The following FBXO38 variants were observed in gnomAD, a reference collection of about 807,000 sequenced individuals.
FBXO38 encodes F-box protein 38.
FBXO38 carries 53 observed loss-of-function variants against 131.9 expected under a neutral mutation model. The ratio of observed to expected loss-of-function variants is 0.40; its 90% CI spans 0.32 to 0.51. The LOEUF (loss-of-function observed/expected upper bound fraction) is 0.51, where lower values mean the gene tolerates loss of function less well. Among genes scored for constraint, FBXO38 ranks in the 20% least tolerant of loss-of-function variants. The pLI is 0.53. For missense variants in FBXO38, 1,076 were observed against 1,475.6 expected, an observed-to-expected ratio of 0.73 and a Z score of 4.44; for synonymous variants, 452 against 505.6, an observed-to-expected ratio of 0.89 and a Z score of 1.42.
At chr5:148,411,977 T>C (rs1752786643) in intron 9 of FBXO38, among the ~76,000 whole-genome samples, 1 of 152,132 alleles carries the variant, frequency 6.6e-6, no homozygotes, top group Admixed American at 6.5e-5. Flanking sequence ...ACTTGACAAA[T>C]TGTGTACCTT....
intron 5 of FBXO38, among the ~76,000 whole-genome samples, chr5:148,403,643 C>T (rs1303782261): frequency 3.9e-5 from 6 of 152,116 alleles, no homozygotes; most frequent in East Asian, 3.9e-4. Context: ...AATGTGTGTG[C>T]ATAGTTCAAA....
chr5:148,406,232 A>T (rs1439304122), intron 6 of FBXO38, 25 bp from the exon 7 acceptor site: 1 of 1,544,616 alleles, frequency 6.5e-7, no homozygotes, highest in Non-Finnish European at 8.7e-7. Context: ...ACATTGTTCT[A>T]TCAAAGATTT....
chr5:148,429,467 C>T lies in FBXO38; in HGVS notation c.2653+1520C>T, dbSNP rs1207065456. On this transcript the variant is annotated intron_variant, in intron 15 of 21. Transcript: ENST00000340253. ...TGACATACTTAGGTTGATCTCTGGT[C>T]ATTCTATTCTGTTCTGGTGCTCTGT... Among the ~76,000 whole-genome samples the T allele has an allele frequency of 3.3e-5, 5 of 152,062 alleles. No homozygotes were observed. The South Asian group carries it at 1.0e-3, about 32-fold the overall frequency.
chr5:148,399,030 G>A lies in FBXO38; in HGVS notation c.160G>A (p.Glu54Lys). 6.2e-7 allele frequency: 1 copy of A among 1,613,496 alleles called. No homozygotes were observed. The highest frequency in any genetic ancestry group is 1.1e-5 in the South Asian group (1 of 91,056). Reference sequence around the variant, plus strand: ...CCCTCTGCAGGATATCATGTGTATGGAATGTCTTTCCCGGAAGCTAAAGGA... The same window carrying A: ...CCCTCTGCAGGATATCATGTGTATGAAATGTCTTTCCCGGAAGCTAAAGGA... The part of the protein sequence containing the change: ...YLPLQDIMCM[E>K]CLSRKLKEAV... The change falls in exon 3 of 22, where the codon GAA becomes AAA. Residue 54 changes from glutamate (E) to lysine (K), a missense_variant. This residue lies in a region of FBXO38 where 96 missense variants were observed against 193.9 expected (regional missense o/e 0.50). Transcript: ENST00000340253.
At chr5:148,384,569 C>G (rs963920023) in intron 1 of FBXO38, among the ~76,000 whole-genome samples, 4 of 152,176 alleles carry the variant, frequency 2.6e-5, no homozygotes, top group African/African-American at 9.7e-5. Context: ...TTGTCTAGGT[C>G]CATTAGCTTT....
chr5:148,385,325 C>A (rs1235380974), intron 1 of FBXO38, among the ~76,000 whole-genome samples: 1 of 151,982 alleles, frequency 6.6e-6, no homozygotes, highest in African/African-American at 2.4e-5. Context: ...TATATTTAGT[C>A]AAACAGATAC....
At chr5:148,390,047 A>AG (rs1230163614) in intron 1 of FBXO38, 2 of 151,196 alleles carry the variant, frequency 1.3e-5, no homozygotes, top group Non-Finnish European at 2.9e-5. Flanking sequence ...AAAAAAAAAA[A>AG]GGTACCATCA....
intron 15 of FBXO38, among the ~76,000 whole-genome samples, chr5:148,432,730 GTGAC>G (rs1343429507): frequency 6.6e-6 from 1 of 152,200 alleles, no homozygotes; most frequent in Non-Finnish European, 1.5e-5. Context: ...CCCTTTGCTA[GTGAC>G]TGACATTGAA....
chr5:148,395,574 T>A (rs1309772133), intron 2 of FBXO38, among the ~76,000 whole-genome samples: 1 of 152,088 alleles, frequency 6.6e-6, no homozygotes, highest in African/African-American at 2.4e-5. Flanking sequence ...AATTCTAACA[T>A]ACTTTGTCTC....
chr5:148,408,469 T>G (rs1752561337), intron 7 of FBXO38, among the ~76,000 whole-genome samples: 2 of 152,230 alleles, frequency 1.3e-5, no homozygotes, highest in South Asian at 4.1e-4. Context: ...AATGGAAAGA[T>G]GCCTATTGGC....
chr5:148,393,100 A>G (rs938714172), intron 1 of FBXO38, among the ~76,000 whole-genome samples: 1 of 151,988 alleles, frequency 6.6e-6, no homozygotes, highest in Admixed American at 6.6e-5. Flanking sequence ...CATGTCACAA[A>G]TTCAGGGTAG....
intron 15 of FBXO38, 114 bp from the exon 16 acceptor site, chr5:148,433,310 A>G (rs1754142293): frequency 5.6e-6 from 4 of 716,336 alleles, no homozygotes; most frequent in Non-Finnish European, 7.2e-6. Flanking sequence ...ACTGGGAACC[A>G]AATTGTAGAT....
chr5:148,424,154 A>C, intron 13 of FBXO38, 37 bp downstream of exon 13: 1 of 1,588,922 alleles, frequency 6.3e-7, no homozygotes, highest in Middle Eastern at 1.7e-4. Context: ...ATCATTCTGA[A>C]ACTACGGCCT....
intron 15 of FBXO38, among the ~76,000 whole-genome samples, chr5:148,432,764 G>A (rs1754108677): frequency 6.6e-6 from 1 of 152,236 alleles, no homozygotes; most frequent in African/African-American, 2.4e-5. Flanking sequence ...AATTAAGAGA[G>A]TGTTGTTGCC....
chr5:148,423,221 G>A (rs371788942), intron 12 of FBXO38, among the ~76,000 whole-genome samples: 15 of 152,116 alleles, frequency 9.9e-5, no homozygotes, highest in African/African-American at 3.6e-4. Flanking sequence ...AGAGCAAGGA[G>A]TATAAATTTC....
At chr5:148,414,489 A>G (rs1233618879) in intron 10 of FBXO38, among the ~76,000 whole-genome samples, 183 bp downstream of exon 10, 1 of 152,138 alleles carries the variant, frequency 6.6e-6, no homozygotes, top group African/African-American at 2.4e-5. Context: ...TGCCTCTTTA[A>G]ACTTCTGACG....
At chr5:148,430,050 G>A (rs1050865760) in intron 15 of FBXO38, 9 of 150,954 alleles carry the variant, frequency 6.0e-5, no homozygotes, top group Non-Finnish European at 1.3e-4. Context: ...GTATTTTTTT[G>A]GGGGAGATAT....
chr5:148,388,966 G>T (rs1758055627), intron 1 of FBXO38, among the ~76,000 whole-genome samples: 1 of 152,196 alleles, frequency 6.6e-6, no homozygotes, highest in African/African-American at 2.4e-5. Context: ...TTTAAAGTGA[G>T]AGATGCTCAA....
chr5:148,402,124 G>T lies in FBXO38; in HGVS notation c.405G>T (p.Leu135Phe). Residue 135 changes from leucine (L) to phenylalanine (F), a missense_variant, in exon 4 of 22, where the codon TTG becomes TTT. By Grantham distance (22) the Leu-to-Phe change is conservative (BLOSUM62 0). Coordinates refer to ENST00000340253, the MANE Select transcript of FBXO38 (RefSeq NM_205836.3). Reference protein sequence around the residue: ...AFSIPGVLEALQACPNLVGVE... With the variant: ...AFSIPGVLEAFQACPNLVGVE... ...GCATTCCAGGAGTCCTAGAAGCTTTGCAGGCATGCCCAAACTTAGTGGTGA... is the reference window on the plus strand; with the variant it reads ...GCATTCCAGGAGTCCTAGAAGCTTTTCAGGCATGCCCAAACTTAGTGGTGA... The T allele has an allele frequency of 6.2e-7, 1 of 1,612,588 alleles. No homozygotes were observed. Among genetic ancestry groups the T allele is most frequent in the Non-Finnish European group, 8.5e-7 (1 of 1,178,922 alleles).
Sources: allele counts gnomAD v4.1 joint callset (sites outside exome capture counted in the v4.1 genomes callset), GRCh38; gene constraint gnomAD v4.1.1; regional missense constraint gnomAD v4.1.1; transcripts MANE v1.5; gene names NCBI Gene and HGNC (gene_info 2026-07-23, HGNC 2026-07-21).